TENM4: variants seen among roughly 807,000 people sequenced by gnomAD.
The protein encoded by TENM4 is teneurin-4.
Under a neutral mutation model 243.3 loss-of-function variants are expected in TENM4, and 82 were observed. The ratio of observed to expected loss-of-function variants is 0.34; its 90% CI spans 0.28 to 0.40. The LOEUF (loss-of-function observed/expected upper bound fraction) is 0.40. Ranked by LOEUF, TENM4 falls within the 10% of genes least tolerant of loss-of-function variation. TENM4 has a pLI of 1.00. For synonymous variants in TENM4, 1,412 were observed against 1,456.3 expected, an observed-to-expected ratio of 0.97 and a Z score of 0.69; for missense variants, 3,138 against 3,673.3, an observed-to-expected ratio of 0.85 and a Z score of 3.77.
intron 1 of TENM4, among the ~76,000 whole-genome samples, chr11:79,337,894 G>A (rs1387181861): frequency 6.6e-6 from 1 of 152,222 alleles, no homozygotes; most frequent in Non-Finnish European, 1.5e-5. Context: ...TGCAGCTGGG[G>A]TGGTACCTAG....
chr11:79,150,584 T>C (rs550072171), intron 3 of TENM4, among the ~76,000 whole-genome samples: 9 of 152,302 alleles, frequency 5.9e-5, no homozygotes, highest in Admixed American at 5.9e-4. Flanking sequence ...TTCAGCCTCT[T>C]TCTTTAAGAT....
chr11:78,693,587 C>T (rs758326075), intron 28 of TENM4, among the ~76,000 whole-genome samples: 4 of 152,192 alleles, frequency 2.6e-5, no homozygotes, highest in Admixed American at 6.5e-5. Context: ...GACTTTGCAG[C>T]GATGCCAAGC....
intron 4 of TENM4, among the ~76,000 whole-genome samples, chr11:79,139,778 A>AAAAAT (rs1491174878): frequency 1.8e-5 from 1 of 55,578 alleles, no homozygotes; most frequent in East Asian, 9.0e-4. Flanking sequence ...TAAATATATA[A>AAAAAT]TATATATTAT....
chr11:79,197,189 G>A (rs894460938), intron 3 of TENM4, among the ~76,000 whole-genome samples: 3 of 152,176 alleles, frequency 2.0e-5, no homozygotes, highest in South Asian at 2.1e-4. Context: ...AGAGCAGTTC[G>A]TCTTGCTGGA....
At chr11:79,070,109 C>A in intron 4 of TENM4, 100 bp from the exon 5 acceptor site, 1 of 1,389,212 alleles carries the variant, frequency 7.2e-7, no homozygotes. Context: ...GGACAGAGAA[C>A]CCCAGGCAGT....
At chr11:79,317,767 A>C (rs1015307893) in intron 1 of TENM4, among the ~76,000 whole-genome samples, 4 of 152,048 alleles carry the variant, frequency 2.6e-5, no homozygotes, top group Non-Finnish European at 5.9e-5. Context: ...AAACGCCCCA[A>C]TGTCCCAAAA....
chr11:78,892,698 G>A (rs1447511170), intron 7 of TENM4, among the ~76,000 whole-genome samples: 1 of 152,174 alleles, frequency 6.6e-6, no homozygotes, highest in African/African-American at 2.4e-5. Flanking sequence ...TATTGTTCCA[G>A]AAGCTCTGCA....
At chr11:79,423,093 A>G (rs763865790) in intron 1 of TENM4, among the ~76,000 whole-genome samples, 1 of 152,252 alleles carries the variant, frequency 6.6e-6, no homozygotes, top group East Asian at 1.9e-4. Flanking sequence ...CAATCCCCCA[A>G]GGAGTCCCAT....
intron 19 of TENM4, among the ~76,000 whole-genome samples, chr11:78,750,120 C>A (rs989454442): frequency 6.6e-6 from 1 of 152,204 alleles, no homozygotes; most frequent in African/African-American, 2.4e-5. Context: ...ACTGGTTCTG[C>A]AGTATAGAAT....
At chr11:79,309,040 A>G (rs1253088813) in intron 1 of TENM4, among the ~76,000 whole-genome samples, 1 of 152,016 alleles carries the variant, frequency 6.6e-6, no homozygotes, top group Non-Finnish European at 1.5e-5. Context: ...TAAGATAATA[A>G]GGAGGGGTGG....
intron 9 of TENM4, among the ~76,000 whole-genome samples, chr11:78,868,417 CA>C (rs1859040686): frequency 6.6e-6 from 1 of 152,188 alleles, no homozygotes; most frequent in African/African-American, 2.4e-5. Flanking sequence ...AGCTGGTTCA[CA>C]AGATCACCCA....
chr11:79,034,836 C>T (rs571303389), intron 6 of TENM4, among the ~76,000 whole-genome samples: 3 of 152,122 alleles, frequency 2.0e-5, no homozygotes. Context: ...ACCTGGAAAC[C>T]TTTATTCCTC....
At chr11:78,705,606 C>G (rs1859228041) in intron 27 of TENM4, among the ~76,000 whole-genome samples, 1 of 152,230 alleles carries the variant, frequency 6.6e-6, no homozygotes, top group Non-Finnish European at 1.5e-5. Context: ...GGACCCTCTT[C>G]CCTGTCCACC....
chr11:79,422,593 C>G (rs1381739304), intron 1 of TENM4, among the ~76,000 whole-genome samples: 1 of 152,158 alleles, frequency 6.6e-6, no homozygotes, highest in East Asian at 1.9e-4. Flanking sequence ...CCCTCCACCC[C>G]AAGAGAGAAA....
chr11:79,157,116 G>A (rs1862639138), intron 3 of TENM4, among the ~76,000 whole-genome samples: 1 of 152,144 alleles, frequency 6.6e-6, no homozygotes, highest in East Asian at 1.9e-4. Flanking sequence ...GAGGAGATGG[G>A]ACAGTGCAGG....
chr11:79,153,269 G>C (rs895654912), intron 3 of TENM4, among the ~76,000 whole-genome samples: 19 of 152,178 alleles, frequency 1.2e-4, no homozygotes, highest in Admixed American at 6.5e-5. Flanking sequence ...AAAAATGTAT[G>C]AAAAGGATTT....
chr11:79,138,863 T>C (rs1375073239), intron 4 of TENM4, among the ~76,000 whole-genome samples: 1 of 118,508 alleles, frequency 8.4e-6, no homozygotes, highest in Non-Finnish European at 1.6e-5. Context: ...ATACAAAATA[T>C]ACCTTATATT....
At chr11:79,327,208 T>C (rs964174905) in intron 1 of TENM4, among the ~76,000 whole-genome samples, 9 of 152,144 alleles carry the variant, frequency 5.9e-5, no homozygotes, top group Admixed American at 5.9e-4. Flanking sequence ...GCCATAGAAA[T>C]AGATAATTTT....
At chr11:79,136,491 C>G (rs975133277) in intron 4 of TENM4, among the ~76,000 whole-genome samples, 2 of 152,170 alleles carry the variant, frequency 1.3e-5, no homozygotes, top group Non-Finnish European at 2.9e-5. Context: ...GCTACAGCCA[C>G]TGCTGAGTGC....
Sources: allele counts gnomAD v4.1 joint callset (sites outside exome capture counted in the v4.1 genomes callset), GRCh38; gene constraint gnomAD v4.1.1; transcripts MANE v1.5; gene names NCBI Gene and HGNC (gene_info 2026-07-23, HGNC 2026-07-21).